HAL: variants seen among roughly 807,000 people sequenced by gnomAD.
The protein encoded by HAL is histidase.
A neutral mutation model predicts 81.1 loss-of-function variants in HAL; 85 were observed. The observed-to-expected ratio is 1.05, with a 90% CI of 0.88 to 1.25. The LOEUF (loss-of-function observed/expected upper bound fraction) is 1.25. HAL is among the 50% of genes most tolerant of loss of function. HAL has a pLI of 0.00. For synonymous variants in HAL, 301 were observed against 309.2 expected (o/e 0.97, Z 0.28); for missense variants, 798 against 836.6 (o/e 0.95, Z 0.57).
At position 95,995,960 on chromosome 12, in the gene HAL, T is replaced by C; in HGVS notation, c.-50A>G. 6.3e-7 allele frequency: 1 copy of C among 1,593,694 alleles called. No homozygotes were observed. Among genetic ancestry groups the C allele is most frequent in the Non-Finnish European group, 8.5e-7 (1 of 1,175,886 alleles). ...CAGCTGGTCACAGGAGGGGAGAGCT[T>C]TATGCAGGAGTGGCTACCGGGGTGT... On this transcript the variant is annotated 5_prime_UTR_variant, in exon 2 of 21. Coordinates refer to ENST00000261208, the MANE Select transcript of HAL (RefSeq NM_002108.4).
intron 14 of HAL, among the ~76,000 whole-genome samples, chr12:95,985,034 T>G (rs1949863664): frequency 6.6e-6 from 1 of 152,214 alleles, no homozygotes; most frequent in Non-Finnish European, 1.5e-5. Flanking sequence ...AGATGCCTAA[T>G]GCCAACCCAG....
At chr12:95,977,839 A>C in intron 18 of HAL, 105 bp downstream of exon 18, 4 of 1,235,680 alleles carry the variant, frequency 3.2e-6, no homozygotes, top group Non-Finnish European at 4.7e-6. Context: ...CCTTCCTAAC[A>C]AGTTTCCAGG....
rs996918906 is a variant in HAL, at chr12:95,996,323, C to T, written c.-327G>A. Reference sequence around the variant, plus strand: ...TCTGCCATTAAGGGCAGCTTATAAACACCATGTTCCTGTCTTTATCTGAGA... The same window carrying T: ...TCTGCCATTAAGGGCAGCTTATAAATACCATGTTCCTGTCTTTATCTGAGA... On this transcript the variant is annotated 5_prime_UTR_variant, in exon 1 of 21. Coordinates refer to ENST00000261208, the MANE Select transcript of HAL (RefSeq NM_002108.4). 5 of 253,210 alleles carry T rather than the reference C, an allele frequency of 2.0e-5. No homozygotes were observed. In the East Asian group the frequency reaches 2.9e-4, roughly 14 times the overall value. The allele number at this position is 253,210 out of a possible 1,614,324, so 15.7% of individuals were successfully genotyped here.
At chr12:95,987,475 A>T (rs1565991059) in intron 11 of HAL, among the ~76,000 whole-genome samples, 1 of 152,216 alleles carries the variant, frequency 6.6e-6, no homozygotes, top group Non-Finnish European at 1.5e-5. Context: ...GCAGCAATGC[A>T]GCTCTGGAGT....
chr12:95,980,493 G>C (rs1460286406), intron 17 of HAL, 63 bp downstream of exon 17: 7 of 1,480,606 alleles, frequency 4.7e-6, no homozygotes, highest in African/African-American at 1.4e-5. Context: ...GATACTTCTA[G>C]GTGAAATGGA....
At chr12:95,980,448 G>A in intron 17 of HAL, 108 bp downstream of exon 17, 2 of 984,742 alleles carry the variant, frequency 2.0e-6, no homozygotes, top group Non-Finnish European at 3.2e-6. Flanking sequence ...AGATAAAAGT[G>A]GTGAAAAGTT....
At chr12:95,978,572 C>T (rs2080753611) in intron 17 of HAL, among the ~76,000 whole-genome samples, 2 of 152,074 alleles carry the variant, frequency 1.3e-5, no homozygotes, top group Admixed American at 6.5e-5. Flanking sequence ...CCAGAAATAT[C>T]TGGGAGGTGG....
At chr12:95,992,882 C>CCTCA in intron 8 of HAL, 77 bp from the exon 9 acceptor site, 1 of 1,350,594 alleles carries the variant, frequency 7.4e-7, no homozygotes, top group Non-Finnish European at 1.1e-6. Context: ...TCCCTCCCTC[C>CCTCA]AATCTTTCCC....
intron 17 of HAL, among the ~76,000 whole-genome samples, chr12:95,979,016 C>A (rs1285581431): frequency 6.6e-6 from 1 of 152,178 alleles, no homozygotes; most frequent in Non-Finnish European, 1.5e-5. Context: ...GGACCCTAAA[C>A]TGTGGACTAT....
intron 8 of HAL, 122 bp from the exon 9 acceptor site, chr12:95,992,927 C>T (rs527766195): frequency 3.5e-5 from 30 of 866,806 alleles, no homozygotes; most frequent in Middle Eastern, 2.3e-4. Flanking sequence ...CTTCTCCTCT[C>T]GGCTCAGGTA....
intron 11 of HAL, 118 bp from the exon 12 acceptor site, chr12:95,987,332 A>ATTTT: frequency 1.2e-6 from 1 of 848,574 alleles, no homozygotes; most frequent in Non-Finnish European, 2.0e-6. Flanking sequence ...AACATAAAAA[A>ATTTT]TTATGTTTAT....
intron 20 of HAL, among the ~76,000 whole-genome samples, chr12:95,975,252 A>C (rs2080702037): frequency 6.6e-6 from 1 of 152,204 alleles, no homozygotes; most frequent in Non-Finnish European, 1.5e-5. Context: ...CATTTTAACA[A>C]GATGCCCAGC....
chr12:95,976,586 G>C lies in HAL; in HGVS notation c.1763+12C>G. ...GAACTGATGTAATTTTCAGAGACCT[G>C]TTTGATCTTACCTTACAACAGAGCG... On this transcript the variant is annotated intron_variant, in intron 19 of 20. Coordinates refer to ENST00000261208, the MANE Select transcript of HAL (RefSeq NM_002108.4). 1.3e-6 allele frequency: 2 copies of C among 1,597,814 alleles called. No individual in the cohort carries two copies. The highest frequency in any genetic ancestry group is 1.1e-5 in the South Asian group (1 of 90,734).
At chr12:95,975,947 G>T (rs1363829095) in intron 20 of HAL, among the ~76,000 whole-genome samples, 2 of 152,206 alleles carry the variant, frequency 1.3e-5, no homozygotes, top group African/African-American at 4.8e-5. Flanking sequence ...GTGGAAATAT[G>T]CAAGAAAGAA....
chr12:95,981,489 C>T (rs2080794703), intron 15 of HAL, among the ~76,000 whole-genome samples: 1 of 152,162 alleles, frequency 6.6e-6, no homozygotes, highest in Non-Finnish European at 1.5e-5. Context: ...TTTTCTGTAT[C>T]ATTCTGTCAC....
Position 95,995,679 on chromosome 12 carries a change from C to T in HAL, c.232G>A (p.Glu78Lys). 6.2e-7 allele frequency: 1 copy of T among 1,613,438 alleles called. No homozygotes were observed. Among genetic ancestry groups the T allele is most frequent in the Non-Finnish European group, 8.5e-7 (1 of 1,180,024 alleles). The change falls in exon 2 of 21, where the codon GAG becomes AAG. Residue 78 changes from glutamate (E) to lysine (K), a missense_variant. Physicochemically the swap from Glu to Lys is moderately conservative, Grantham distance 56. Transcript: ENST00000261208. ...AGCCACTCACCCACTTCCACGAACT[C>T]GTTGTTCTCTAGGGCCACCTCGAGC... ...DRLEVALENN[E>K]FVEVVIEGDA...
chr12:95,990,687 C>A (rs184191669), intron 9 of HAL, among the ~76,000 whole-genome samples, 155 bp from the exon 10 acceptor site: 1 of 152,078 alleles, frequency 6.6e-6, no homozygotes, highest in Non-Finnish European at 1.5e-5. Flanking sequence ...TTCTTCAAAC[C>A]CAGCTAATAT....
chr12:95,988,626 A>G lies in HAL; in HGVS notation c.856-386T>C, dbSNP rs570349459. Among the ~76,000 whole-genome samples the G allele has an allele frequency of 5.3e-4, 80 of 152,274 alleles. 1 individual carries two copies. The highest frequency in any genetic ancestry group is 3.4e-3 in the Middle Eastern group (1 of 294). ...GTTGTGCTCAGGCTGGACTCCTCCC[A>G]GTTCACGCTCCCTTGCCTCCAGAGC... On this transcript the variant is annotated intron_variant, in intron 10 of 20. Transcript: ENST00000261208.
At position 95,987,135 on chromosome 12, in the gene HAL, C is replaced by T. The variant is rs375314208; in HGVS notation, c.983G>A (p.Arg328Gln). The T allele has an allele frequency of 2.2e-5, 35 of 1,613,086 alleles. No homozygotes were observed. The highest frequency in any genetic ancestry group is 6.7e-5 in the Admixed American group (4 of 60,008). ...EAVERASAIARQADIVAALTL... is the reference protein window; with the variant it reads ...EAVERASAIAQQADIVAALTL... ...CAGGGCTGCCACAATGTCAGCCTGC[C>T]GTGCAATAGCACTGGCTCGCTCTAC... The change falls in exon 12 of 21, where the codon CGG becomes CAG. Residue 328 changes from arginine to glutamine, a missense_variant. Physicochemically the swap from Arg to Gln is conservative, Grantham distance 43. Coordinates refer to ENST00000261208, the MANE Select transcript of HAL (RefSeq NM_002108.4).
Sources: gnomAD v4.1 joint callset for allele counts (sites outside exome capture counted in the v4.1 genomes callset) on GRCh38, gnomAD v4.1.1 for gene constraint, MANE v1.5 for transcripts, NCBI Gene and HGNC (gene_info 2026-07-23, HGNC 2026-07-21) for gene names.